The following ABCD3 variants were observed in gnomAD, a reference collection of about 807,000 sequenced individuals.
ABCD3 encodes ATP-binding cassette sub-family D member 3.
Under a neutral mutation model 105.5 loss-of-function variants are expected in ABCD3, and 41 were observed. That is an observed-to-expected ratio of 0.39 (90% confidence interval 0.30 to 0.50). The LOEUF (loss-of-function observed/expected upper bound fraction) is 0.50. Among genes scored for constraint, ABCD3 ranks in the 20% least tolerant of loss-of-function variants. The probability of loss-of-function intolerance (pLI) is 0.84; values close to 1 mark genes in which losing one functional copy is unlikely to be tolerated. For synonymous variants in ABCD3, 258 were observed against 269.0 expected (o/e 0.96, Z 0.40); for missense variants, 622 against 806.3 (o/e 0.77, Z 2.77).
chr1:94,484,253 A>G (rs1251906311), intron 10 of ABCD3, among the ~76,000 whole-genome samples: 1 of 152,226 alleles, frequency 6.6e-6, no homozygotes, highest in Non-Finnish European at 1.5e-5. Context: ...ATCTAGAACT[A>G]GAAACACCAT....
In ABCD3 at chr1:94,478,311, C is replaced by G; in HGVS notation, c.680C>G (p.Ala227Gly). ...TTTAAGTTAACGAGTGCAATTGGAGCTCAGGTGAGTCTGCTTTTATTTCAA... is the reference window on the plus strand; with the variant it reads ...TTTAAGTTAACGAGTGCAATTGGAGGTCAGGTGAGTCTGCTTTTATTTCAA... ...YIFKLTSAIG[A>G]QGPASMMAYL... is the part of the protein sequence containing the mutation. The change falls in exon 8 of 23, where the codon GCT becomes GGT. Residue 227 changes from alanine to glycine, a missense_variant. Ala to Gly is a moderately conservative substitution (Grantham distance 60). This residue lies in a region of ABCD3 where 245 missense variants were observed against 356.4 expected (regional missense o/e 0.69). Transcript: ENST00000370214. 5 of 1,601,066 alleles carry G rather than the reference C, an allele frequency of 3.1e-6. No homozygotes were observed. The highest frequency in any genetic ancestry group is 4.3e-6 in the Non-Finnish European group (5 of 1,170,282).
chr1:94,455,676 A>G (rs1647516452), intron 1 of ABCD3: 3 of 462,158 alleles, frequency 6.5e-6, no homozygotes, highest in East Asian at 1.4e-4. Context: ...TTATATGTAG[A>G]TTATGTGTTC....
At chr1:94,491,027 T>G (rs1377274272) in intron 15 of ABCD3, among the ~76,000 whole-genome samples, 157 bp from the exon 16 acceptor site, 6 of 152,126 alleles carry the variant, frequency 3.9e-5, no homozygotes, top group African/African-American at 1.4e-4. Context: ...GTTGAGCACC[T>G]TTTCGTATGC....
At chr1:94,509,456 G>A (rs1227081820) in intron 21 of ABCD3, among the ~76,000 whole-genome samples, 1 of 151,802 alleles carries the variant, frequency 6.6e-6, no homozygotes, top group Non-Finnish European at 1.5e-5. Context: ...CTCTTTTTTT[G>A]GTTGTGTCTC....
At chr1:94,406,688 C>T in the ABCD3 span, 90 of 158,278 alleles carry the variant, frequency 5.7e-4, no homozygotes, top group African/African-American at 1.6e-3. Context: ...CTGAGAACAT[C>T]GTAGACTTCC....
At chr1:94,406,198 G>A in the ABCD3 span, among the ~76,000 whole-genome samples, 1 of 151,572 alleles carries the variant, frequency 6.6e-6, no homozygotes, top group Non-Finnish European at 1.5e-5. Flanking sequence ...TTGCCTGAGT[G>A]AGAAGGGATA....
At chr1:94,487,870 C>G (rs780409773) in intron 12 of ABCD3, 22 bp from the exon 13 acceptor site, 3 of 1,607,006 alleles carry the variant, frequency 1.9e-6, no homozygotes, top group Non-Finnish European at 2.6e-6. Context: ...TAAGTAAAAA[C>G]TAATATTTAT....
intron 21 of ABCD3, among the ~76,000 whole-genome samples, chr1:94,511,520 T>G (rs1036023751): frequency 2.4e-4 from 37 of 152,174 alleles, no homozygotes; most frequent in Non-Finnish European, 7.3e-5. Flanking sequence ...CTGTATTTCC[T>G]GAATCTGAAC....
chr1:94,487,657 A>G (rs1649335544), intron 11 of ABCD3, 37 bp from the exon 12 acceptor site: 2 of 1,612,728 alleles, frequency 1.2e-6, no homozygotes, highest in Non-Finnish European at 8.5e-7. Context: ...AAGGTGAAAT[A>G]CTGTTACTGT....
At chr1:94,502,692 G>A (rs1297497104) in intron 20 of ABCD3, among the ~76,000 whole-genome samples, 4 of 151,942 alleles carry the variant, frequency 2.6e-5, no homozygotes, top group Non-Finnish European at 5.9e-5. Flanking sequence ...TAGAGATGGG[G>A]TTTCACCATG....
chr1:94,494,162 G>C (rs542946513), intron 16 of ABCD3, among the ~76,000 whole-genome samples: 2 of 152,136 alleles, frequency 1.3e-5, no homozygotes, highest in Admixed American at 1.3e-4. Context: ...TTAAATTAAT[G>C]AGTTTATTAT....
chr1:94,398,989 T>C, the ABCD3 span, among the ~76,000 whole-genome samples: 3 of 151,880 alleles, frequency 2.0e-5, no homozygotes, highest in Non-Finnish European at 2.9e-5. Flanking sequence ...GTAGTTGTAC[T>C]CTCAAAAAAA....
At chr1:94,500,198 G>C (rs1207213741) in intron 20 of ABCD3, among the ~76,000 whole-genome samples, 2 of 152,014 alleles carry the variant, frequency 1.3e-5, no homozygotes, top group African/African-American at 4.8e-5. Flanking sequence ...GACTAAACTT[G>C]TCTCAAACCA....
chr1:94,507,759 T>C (rs1650439715), intron 21 of ABCD3, among the ~76,000 whole-genome samples: 1 of 151,100 alleles, frequency 6.6e-6, no homozygotes. Context: ...GAGCATTGTT[T>C]CATGTGTTTT....
the ABCD3 span, among the ~76,000 whole-genome samples, chr1:94,386,472 A>T: frequency 1.3e-5 from 2 of 152,252 alleles, no homozygotes. Flanking sequence ...TTAATTTGGC[A>T]TATATTTGCT....
chr1:94,462,242 CTTT>C (rs1242561610), intron 2 of ABCD3, among the ~76,000 whole-genome samples: 1 of 151,838 alleles, frequency 6.6e-6, no homozygotes, highest in African/African-American at 2.4e-5. Flanking sequence ...GAAAAGTGGT[CTTT>C]TTTTGTATTT....
chr1:94,409,888 G>A, the ABCD3 span, among the ~76,000 whole-genome samples: 5 of 152,118 alleles, frequency 3.3e-5, no homozygotes, highest in South Asian at 2.1e-4. Flanking sequence ...ATCATAGCTG[G>A]GTTCAAGGCA....
intron 1 of ABCD3, among the ~76,000 whole-genome samples, chr1:94,438,345 A>ACAC (rs1553168372): frequency 9.2e-5 from 10 of 108,954 alleles, no homozygotes; most frequent in East Asian, 2.9e-4. Context: ...CACACACACA[A>ACAC]ACTTGAAAGG....
At chr1:94,405,715 C>T in the ABCD3 span, among the ~76,000 whole-genome samples, 1 of 152,268 alleles carries the variant, frequency 6.6e-6, no homozygotes, top group East Asian at 1.9e-4. Flanking sequence ...TGTTTAAAGA[C>T]CAGCTTTTGT....
Sources: allele counts gnomAD v4.1 joint callset (sites outside exome capture counted in the v4.1 genomes callset), GRCh38; gene constraint gnomAD v4.1.1; regional missense constraint gnomAD v4.1.1; transcripts MANE v1.5; gene names NCBI Gene and HGNC (gene_info 2026-07-23, HGNC 2026-07-21).